FARP1: variants seen among roughly 807,000 people sequenced by gnomAD.
The protein encoded by FARP1 is FERM, ARHGEF and pleckstrin domain-containing protein 1.
A neutral mutation model predicts 128.8 loss-of-function variants in FARP1; 52 were observed. The observed-to-expected ratio is 0.40, with a 90% CI of 0.32 to 0.51. FARP1 has a LOEUF of 0.51. Ranked by LOEUF, FARP1 falls within the 20% of genes least tolerant of loss-of-function variation. The pLI, the probability that FARP1 is intolerant of heterozygous loss-of-function variation, is 0.45. For synonymous variants in FARP1, 580 were observed against 551.8 expected, an observed-to-expected ratio of 1.05 and a Z score of -0.72; for missense variants, 1,333 against 1,367.9, an observed-to-expected ratio of 0.97 and a Z score of 0.40.
At chr13:98,286,286 T>A (rs1227035813) in intron 2 of FARP1, among the ~76,000 whole-genome samples, 1 of 152,220 alleles carries the variant, frequency 6.6e-6, no homozygotes, top group East Asian at 1.9e-4. Flanking sequence ...AGCCCTCCTG[T>A]GACCAGCTGG....
At chr13:98,244,436 C>A in intron 2 of FARP1, 1 of 1,510,864 alleles carries the variant, frequency 6.6e-7, no homozygotes. Flanking sequence ...TTTTAAAAAA[C>A]AACAACAAAA....
chr13:98,313,877 T>C (rs1369926248), intron 2 of FARP1, among the ~76,000 whole-genome samples: 2 of 152,218 alleles, frequency 1.3e-5, no homozygotes, highest in Admixed American at 6.5e-5. Flanking sequence ...GATAGCCCAC[T>C]TTTAGGAAAG....
chr13:98,181,994 A>G (rs1878563814), intron 1 of FARP1, among the ~76,000 whole-genome samples: 1 of 152,218 alleles, frequency 6.6e-6, no homozygotes. Flanking sequence ...TAAATTTATG[A>G]CAAGATGATA....
intron 12 of FARP1, 97 bp from the exon 13 acceptor site, chr13:98,395,130 G>A (rs935439290): frequency 1.1e-4 from 160 of 1,436,412 alleles, no homozygotes; most frequent in Non-Finnish European, 1.5e-4. Context: ...CAGAGGCCTC[G>A]GGTGTTCTTG....
At chr13:98,280,920 G>C (rs1884905666) in intron 2 of FARP1, among the ~76,000 whole-genome samples, 1 of 152,276 alleles carries the variant, frequency 6.6e-6, no homozygotes, top group South Asian at 2.1e-4. Context: ...GTTTTTGTTA[G>C]GAGTGAATTT....
At chr13:98,417,347 C>G (rs1891414122) in intron 16 of FARP1, among the ~76,000 whole-genome samples, 1 of 148,838 alleles carries the variant, frequency 6.7e-6, no homozygotes, top group African/African-American at 2.5e-5. Context: ...GAAAAGAGAG[C>G]TGAGGGCAGA....
chr13:98,346,270 A>G (rs1218096122), intron 3 of FARP1, among the ~76,000 whole-genome samples: 1 of 145,718 alleles, frequency 6.9e-6, no homozygotes, highest in East Asian at 2.0e-4. Flanking sequence ...GCTGACTGCA[A>G]CCTCTGCCTT....
chr13:98,284,102 G>A (rs1885060099), intron 2 of FARP1, among the ~76,000 whole-genome samples: 1 of 152,164 alleles, frequency 6.6e-6, no homozygotes, highest in African/African-American at 2.4e-5. Context: ...TTTGTCCAAC[G>A]CCCATGGCCC....
At chr13:98,355,497 CCT>C (rs948443058) in intron 3 of FARP1, among the ~76,000 whole-genome samples, 15 of 152,278 alleles carry the variant, frequency 9.9e-5, no homozygotes, top group African/African-American at 3.6e-4. Flanking sequence ...ATCCACATCA[CCT>C]GAGAACTGGC....
At chr13:98,183,542 C>T (rs552568652) in intron 1 of FARP1, among the ~76,000 whole-genome samples, 5 of 152,304 alleles carry the variant, frequency 3.3e-5, no homozygotes, top group South Asian at 4.1e-4. Context: ...CGAATGCTCC[C>T]GTCATTGTCT....
chr13:98,420,145 A>T (rs1299341178), intron 16 of FARP1, among the ~76,000 whole-genome samples: 4 of 152,108 alleles, frequency 2.6e-5, no homozygotes, highest in African/African-American at 9.7e-5. Flanking sequence ...TGAACTGTTT[A>T]TCTGATGTTC....
chr13:98,211,178 G>A (rs1209343428), intron 1 of FARP1, among the ~76,000 whole-genome samples: 3 of 152,212 alleles, frequency 2.0e-5, no homozygotes. Context: ...GTCCTCTAAA[G>A]GAGGGGTCCC....
chr13:98,452,591 A>G lies in FARP1; in HGVS notation c.*4274A>G, dbSNP rs185520629. The G allele has an allele frequency of 6.5e-6, 1 of 152,836 alleles. No homozygotes were observed. The highest frequency in any genetic ancestry group is 6.5e-5 in the Admixed American group (1 of 15,308). 9.5% of individuals were successfully genotyped at this position (152,836 alleles called of 1,614,324 possible). On this transcript the variant is annotated 3_prime_UTR_variant, in exon 27 of 27. Coordinates refer to ENST00000319562, the MANE Select transcript of FARP1 (RefSeq NM_005766.4). ...TCACTGGTCACAGAATTCAAAATGT[A>G]CATGTAATAAAGGCAAGGCAATAGA...
intron 2 of FARP1, among the ~76,000 whole-genome samples, chr13:98,317,871 C>T (rs1204226522): frequency 6.6e-6 from 1 of 151,848 alleles, no homozygotes; most frequent in Non-Finnish European, 1.5e-5. Context: ...TCTGGTGTCT[C>T]CTCCTCCTTT....
chr13:98,293,270 C>T (rs1174814319), intron 2 of FARP1, among the ~76,000 whole-genome samples: 1 of 152,022 alleles, frequency 6.6e-6, no homozygotes, highest in Non-Finnish European at 1.5e-5. Flanking sequence ...AAATATTTAC[C>T]AAGCTAAGGA....
At chr13:98,398,583 G>A (rs1441812900) in intron 13 of FARP1, 1 of 152,178 alleles carries the variant, frequency 6.6e-6, no homozygotes, top group Admixed American at 6.5e-5. Flanking sequence ...CAAATCGGAT[G>A]TGGAGACTAG....
chr13:98,338,613 C>A (rs1263939005), intron 2 of FARP1: 1 of 152,200 alleles, frequency 6.6e-6, no homozygotes, highest in Non-Finnish European at 1.5e-5. Context: ...GTGAATAATT[C>A]TTCTGTGAAC....
At chr13:98,238,632 T>G (rs1344506280) in intron 2 of FARP1, among the ~76,000 whole-genome samples, 1 of 152,128 alleles carries the variant, frequency 6.6e-6, no homozygotes, top group Non-Finnish European at 1.5e-5. Flanking sequence ...TTTATAAAAC[T>G]ATCTGATCTC....
At chr13:98,396,215 C>T in intron 13 of FARP1, 1 of 399,148 alleles carries the variant, frequency 2.5e-6, no homozygotes. Flanking sequence ...CCCATGGGTG[C>T]AGCCTCTAAG....
Sources: allele counts gnomAD v4.1 joint callset (sites outside exome capture counted in the v4.1 genomes callset), GRCh38; gene constraint gnomAD v4.1.1; transcripts MANE v1.5; gene names NCBI Gene and HGNC (gene_info 2026-07-23, HGNC 2026-07-21).